The following AGMO variants were observed in gnomAD, a reference collection of about 807,000 sequenced individuals.
AGMO encodes glyceryl-ether monooxygenase.
Under a neutral mutation model 60.2 loss-of-function variants are expected in AGMO, and 75 were observed. The ratio of observed to expected loss-of-function variants is 1.25; its 90% CI spans 1.03 to 1.51. The LOEUF (loss-of-function observed/expected upper bound fraction) is 1.51. Among genes scored for constraint, AGMO ranks in the 40% most tolerant of loss-of-function variants. The pLI, the probability that AGMO is intolerant of heterozygous loss-of-function variation, is 0.00. For synonymous variants in AGMO, 261 were observed against 177.1 expected, an observed-to-expected ratio of 1.47 and a Z score of -3.76; for missense variants, 763 against 525.5, an observed-to-expected ratio of 1.45 and a Z score of -4.42.
intron 10 of AGMO, among the ~76,000 whole-genome samples, chr7:15,371,615 C>G (rs1484419441): frequency 6.6e-6 from 1 of 152,102 alleles, no homozygotes; most frequent in Admixed American, 6.5e-5. Context: ...CAGGCTTGGT[C>G]TCGAACTCCT....
At chr7:15,181,186 C>A in the AGMO span, among the ~76,000 whole-genome samples, 1 of 152,112 alleles carries the variant, frequency 6.6e-6, no homozygotes, top group African/African-American at 2.4e-5. Flanking sequence ...GTACCAATTC[C>A]TAAATTATTC....
intron 3 of AGMO, among the ~76,000 whole-genome samples, chr7:15,465,544 T>C (rs1782260714): frequency 6.7e-6 from 1 of 150,046 alleles, no homozygotes; most frequent in Non-Finnish European, 1.5e-5. Flanking sequence ...CGCCTCAGCC[T>C]CCAAGTAGCT....
intron 2 of AGMO, among the ~76,000 whole-genome samples, chr7:15,551,529 C>T (rs569592982): frequency 6.7e-6 from 1 of 149,498 alleles, no homozygotes; most frequent in African/African-American, 2.5e-5. Flanking sequence ...CAACAACAGA[C>T]AAACAGAGAG....
intron 12 of AGMO, among the ~76,000 whole-genome samples, chr7:15,352,578 G>A (rs1033148584): frequency 1.3e-5 from 2 of 151,828 alleles, no homozygotes; most frequent in Non-Finnish European, 2.9e-5. Context: ...CCAGAAATGC[G>A]TGGCAATTTT....
chr7:15,377,546 T>A (rs928522879), intron 10 of AGMO, among the ~76,000 whole-genome samples: 2 of 152,060 alleles, frequency 1.3e-5, no homozygotes, highest in African/African-American at 4.8e-5. Flanking sequence ...GAGGCTCACA[T>A]AGCTTAAAAT....
intron 3 of AGMO, among the ~76,000 whole-genome samples, chr7:15,511,853 A>G (rs1783682293): frequency 6.6e-6 from 1 of 152,170 alleles, no homozygotes; most frequent in Non-Finnish European, 1.5e-5. Flanking sequence ...CATGTATAGA[A>G]CAAAGACCAC....
intron 10 of AGMO, among the ~76,000 whole-genome samples, chr7:15,371,907 T>C (rs977999617): frequency 7.0e-6 from 1 of 143,632 alleles, no homozygotes; most frequent in Non-Finnish European, 1.5e-5. Flanking sequence ...AATAGTTTAA[T>C]ATTAAATTAT....
At chr7:15,426,160 T>G (rs1781055979) in intron 4 of AGMO, among the ~76,000 whole-genome samples, 1 of 152,204 alleles carries the variant, frequency 6.6e-6, no homozygotes, top group Non-Finnish European at 1.5e-5. Context: ...ACATTCTACC[T>G]TTTATTAGTT....
At chr7:15,332,620 ATCATG>A (rs1212856414) in intron 12 of AGMO, among the ~76,000 whole-genome samples, 2 of 152,150 alleles carry the variant, frequency 1.3e-5, no homozygotes, top group Non-Finnish European at 2.9e-5. Context: ...AAGTAAAAAT[ATCATG>A]TAAGATTTTC....
intron 6 of AGMO, among the ~76,000 whole-genome samples, chr7:15,393,261 G>A (rs548734187): frequency 1.3e-5 from 2 of 152,326 alleles, no homozygotes; most frequent in African/African-American, 4.8e-5. Flanking sequence ...TTCTTGGAAA[G>A]GCAGGGCTTC....
At chr7:15,145,423 A>G in the AGMO span, among the ~76,000 whole-genome samples, 3 of 152,200 alleles carry the variant, frequency 2.0e-5, no homozygotes, top group African/African-American at 7.2e-5. Context: ...ACTGTCTTAT[A>G]GTATGAATAC....
chr7:15,200,981 T>C lies in AGMO; in HGVS notation c.*304A>G, dbSNP rs1341784472. The C allele has an allele frequency of 9.1e-6, 2 of 219,962 alleles. No homozygotes were observed. Among genetic ancestry groups the C allele is most frequent in the African/African-American group, 4.5e-5 (2 of 44,148 alleles). 13.6% of individuals were successfully genotyped at this position (219,962 alleles called of 1,614,324 possible). A position where few individuals can be genotyped will look rare whatever the true frequency, so the allele number is the denominator to read the frequency against. ...GTAAAGGCAATATTCCTTCTTGTTT[T>C]TACTGTTTTTAAGTTTCATCCCTTC... On this transcript the variant is annotated 3_prime_UTR_variant, in exon 13 of 13. Transcript: ENST00000342526.
At chr7:15,179,628 T>C in the AGMO span, among the ~76,000 whole-genome samples, 1,214 of 152,218 alleles carry the variant, frequency 8.0e-3, 20 homozygotes, top group African/African-American at 0.028. Flanking sequence ...AGTTGCACAC[T>C]TGTAACTCTA....
intron 12 of AGMO, among the ~76,000 whole-genome samples, chr7:15,267,720 CAG>C (rs1783475316): frequency 6.6e-6 from 1 of 151,836 alleles, no homozygotes; most frequent in South Asian, 2.1e-4. Flanking sequence ...TGCTCAGAAA[CAG>C]AAACTGGAAC....
At chr7:15,146,547 C>T in the AGMO span, among the ~76,000 whole-genome samples, 133 of 151,480 alleles carry the variant, frequency 8.8e-4, no homozygotes, top group Middle Eastern at 3.4e-3. Flanking sequence ...TACCAAAGTA[C>T]TCTTTGTTAA....
At chr7:15,456,039 T>C (rs1781991161) in intron 3 of AGMO, among the ~76,000 whole-genome samples, 2 of 152,116 alleles carry the variant, frequency 1.3e-5, no homozygotes, top group African/African-American at 4.8e-5. Context: ...ATGTTGGCTA[T>C]GCTTCAGACC....
the AGMO span, among the ~76,000 whole-genome samples, chr7:15,138,357 A>T: frequency 6.6e-6 from 1 of 152,182 alleles, no homozygotes; most frequent in Non-Finnish European, 1.5e-5. Context: ...GGATGATTTA[A>T]GTAGAGTTAA....
chr7:15,125,290 T>C, the AGMO span, among the ~76,000 whole-genome samples: 2 of 152,096 alleles, frequency 1.3e-5, no homozygotes, highest in South Asian at 2.1e-4. Flanking sequence ...GCTGGAATTG[T>C]GACTTCCTTC....
At chr7:15,154,992 G>T in the AGMO span, among the ~76,000 whole-genome samples, 1 of 152,096 alleles carries the variant, frequency 6.6e-6, no homozygotes, top group Non-Finnish European at 1.5e-5. Flanking sequence ...GGTTCTCTTT[G>T]TATGTGATCT....
Sources: gnomAD v4.1 joint callset for allele counts (sites outside exome capture counted in the v4.1 genomes callset) on GRCh38, gnomAD v4.1.1 for gene constraint, MANE v1.5 for transcripts, NCBI Gene and HGNC (gene_info 2026-07-23, HGNC 2026-07-21) for gene names.